MAU2: variants seen among roughly 807,000 people sequenced by gnomAD.
The protein encoded by MAU2 is MAU2 sister chromatid cohesion factor.
In MAU2, 9 loss-of-function variants were observed where a neutral mutation model predicts 89.1. The observed-to-expected ratio is 0.10, with a 90% CI of 0.06 to 0.18. The LOEUF is 0.18. Among genes scored for constraint, MAU2 ranks in the 10% least tolerant of loss-of-function variants. The pLI is 1.00. For missense variants in MAU2, 425 were observed against 803.5 expected (o/e 0.53, Z 5.69); for synonymous variants, 357 against 343.4 (o/e 1.04, Z -0.44).
intron 1 of MAU2, among the ~76,000 whole-genome samples, chr19:19,332,990 T>C (rs941210355): frequency 2.0e-5 from 3 of 151,684 alleles, no homozygotes; most frequent in Non-Finnish European, 4.4e-5. Context: ...GGCAGGAGAA[T>C]CACTTGAACC....
intron 1 of MAU2, among the ~76,000 whole-genome samples, chr19:19,331,302 G>A (rs1008300837): frequency 1.3e-5 from 2 of 151,896 alleles, no homozygotes; most frequent in African/African-American, 2.4e-5. Flanking sequence ...GACCGAGACC[G>A]TCCTGGCTAA....
rs1219114618 is a variant in MAU2, at chr19:19,356,144, G to A, written c.*362G>A. 1 of 456,112 alleles carries A rather than the reference G, an allele frequency of 2.2e-6. No individual in the cohort carries two copies. The highest frequency in any genetic ancestry group is 2.0e-5 in the African/African-American group (1 of 50,968). 28.3% of individuals were successfully genotyped at this position (456,112 alleles called of 1,614,324 possible). A position where few individuals can be genotyped will look rare whatever the true frequency, so the allele number is the denominator to read the frequency against. On this transcript the variant is annotated 3_prime_UTR_variant, in exon 19 of 19. Coordinates refer to ENST00000262815, the MANE Select transcript of MAU2 (RefSeq NM_015329.4). The stretch of plus-strand genomic sequence containing the variant: ...TGTGCCAGGGCAGGCAGTGCCCCAG[G>A]GGCACCACGCCTGACTCTCCATCAC...
chr19:19,345,160 A>C lies in MAU2; in HGVS notation c.1156-144A>C, dbSNP rs1481971861. On this transcript the variant is annotated intron_variant, in intron 11 of 18. Transcript: ENST00000262815. The surrounding 1 kb of genome is among the most constrained non-coding windows in gnomAD (Gnocchi z 4.9). ...GGTCTGAAAGGTGGGGACAGTGAGCATATTACCTGCCTTGCAGCTGGCTCG... is the reference window on the plus strand; with the variant it reads ...GGTCTGAAAGGTGGGGACAGTGAGCCTATTACCTGCCTTGCAGCTGGCTCG... The C allele has an allele frequency of 2.6e-6, 2 of 776,292 alleles. No individual in the cohort carries two copies. Among genetic ancestry groups the C allele is most frequent in the Non-Finnish European group, 4.3e-6 (2 of 459,968 alleles). 48.1% of individuals were successfully genotyped at this position (776,292 alleles called of 1,614,324 possible).
intron 1 of MAU2, chr19:19,334,022 G>A (rs1476691637): frequency 8.8e-6 from 2 of 227,424 alleles, no homozygotes; most frequent in Middle Eastern, 2.1e-3. Context: ...CCTCTCTCCT[G>A]TGTGATTGGG....
At position 19,349,307 on chromosome 19, in the gene MAU2, C is replaced by G. The variant is rs1447559448; in HGVS notation, c.1437-18C>G. The G allele has an allele frequency of 3.7e-6, 6 of 1,614,010 alleles. No homozygotes were observed. The highest frequency in any genetic ancestry group is 5.1e-6 in the Non-Finnish European group (6 of 1,179,846). ...GGCCCCGTCCTGCAGTTATCAGCGT[C>G]CATGTTCTCCTTGTCAGGCGATTTC... On this transcript the variant is annotated intron_variant, in intron 15 of 18. Transcript: ENST00000262815.
chr19:19,343,796 C>G (rs911917676), intron 9 of MAU2, 41 bp from the exon 10 acceptor site: 1 of 1,505,482 alleles, frequency 6.6e-7, no homozygotes, highest in Non-Finnish European at 9.2e-7. Context: ...GGCGCCTCCT[C>G]TGGCCTCCCC....
chr19:19,354,593 C>T (rs2048156299), intron 17 of MAU2, 148 bp downstream of exon 17: 1 of 685,848 alleles, frequency 1.5e-6, no homozygotes, highest in Non-Finnish European at 2.6e-6. Context: ...GGGTGCTCCT[C>T]AGGAGACCCT....
At position 19,355,355 on chromosome 19, in the gene MAU2, T is replaced by A. The variant is rs1482823041; in HGVS notation, c.1731T>A (p.Ile577=). 1.2e-6 allele frequency: 2 copies of A among 1,614,044 alleles called. No individual in the cohort carries two copies. Among genetic ancestry groups the A allele is most frequent in the Non-Finnish European group, 8.5e-7 (1 of 1,179,964 alleles). The part of the protein sequence containing the change: ...NFSQQLLQDH[I]EACSLPEHNL... ...CGCAGCAGCTGCTCCAGGACCACAT[T>A]GAGGCCTGCAGCCTCCCCGAACACA... The change falls in exon 18 of 19, where the codon ATT becomes ATA. Residue 577 remains isoleucine (I), a synonymous_variant. Coordinates refer to ENST00000262815, the MANE Select transcript of MAU2 (RefSeq NM_015329.4).
Position 19,355,406 on chromosome 19 carries a change from G to T in MAU2, c.1767+15G>T, listed in dbSNP as rs1391533602. 6.2e-7 allele frequency: 1 copy of T among 1,613,458 alleles called. No individual in the cohort carries two copies. ...ACCTCATCACGGTACGGGTGTGGGT[G>T]TTAGGGGACGGGATCAGGACTAGCG... On this transcript the variant is annotated intron_variant, in intron 18 of 18. Coordinates refer to ENST00000262815, the MANE Select transcript of MAU2 (RefSeq NM_015329.4).
chr19:19,322,561 C>T (rs2061470159), intron 1 of MAU2, among the ~76,000 whole-genome samples: 3 of 152,274 alleles, frequency 2.0e-5, no homozygotes, highest in Admixed American at 2.0e-4. Flanking sequence ...GATCACGCCA[C>T]TTCACTCCAG....
chr19:19,354,996 T>C, intron 17 of MAU2: 1 of 429,816 alleles, frequency 2.3e-6, no homozygotes, highest in Non-Finnish European at 4.3e-6. Flanking sequence ...CCTGTTTGCC[T>C]GAGGGCTGGC....
Position 19,341,124 on chromosome 19 carries a change from C to G in MAU2, c.580-128C>G, listed in dbSNP as rs1027776970. On this transcript the variant is annotated intron_variant, in intron 6 of 18. Transcript: ENST00000262815. Reference sequence around the variant, plus strand: ...TTAGGAGCTGCCTGGGCTGGGGTTTCAGGCTGGCCTTGCCCTCTGGATTGG... The same window carrying G: ...TTAGGAGCTGCCTGGGCTGGGGTTTGAGGCTGGCCTTGCCCTCTGGATTGG... The G allele has an allele frequency of 2.9e-5, 34 of 1,186,606 alleles. No homozygotes were observed. The Middle Eastern group carries it at 1.2e-3, about 40-fold the overall frequency. The allele number at this position is 1,186,606 out of a possible 1,614,324, so 73.5% of individuals were successfully genotyped here. A position where few individuals can be genotyped will look rare whatever the true frequency, so the allele number is the denominator to read the frequency against.
Position 19,355,359 on chromosome 19 carries a change from G to A in MAU2, c.1735G>A (p.Ala579Thr), listed in dbSNP as rs2048165751. 1 of 1,613,950 alleles carries A rather than the reference G, an allele frequency of 6.2e-7. No homozygotes were observed. The highest frequency in any genetic ancestry group is 1.3e-5 in the African/African-American group (1 of 74,922). The change falls in exon 18 of 19, where the codon GCC (alanine) becomes ACC (threonine). Residue 579 changes from alanine (A) to threonine (T), a missense_variant. Transcript: ENST00000262815. Reference sequence around the variant, plus strand: ...GCAGCTGCTCCAGGACCACATTGAGGCCTGCAGCCTCCCCGAACACAACCT... The same window carrying A: ...GCAGCTGCTCCAGGACCACATTGAGACCTGCAGCCTCCCCGAACACAACCT... ...SQQLLQDHIEACSLPEHNLIT... is the reference protein window; with the variant it reads ...SQQLLQDHIETCSLPEHNLIT...
At chr19:19,331,024 C>T (rs1463755910) in intron 1 of MAU2, among the ~76,000 whole-genome samples, 4 of 152,174 alleles carry the variant, frequency 2.6e-5, no homozygotes, top group Non-Finnish European at 4.4e-5. Context: ...TTCCACCCCA[C>T]TTGAAACCTG....
chr19:19,344,834 A>G lies in MAU2; in HGVS notation c.1078-15A>G, dbSNP rs1322266895. On this transcript the variant is annotated splice_polypyrimidine_tract_variant and intron_variant, in intron 10 of 18. Transcript: ENST00000262815. The stretch of plus-strand genomic sequence containing the variant: ...GGTTGCAGTCCTGTGATGGCAGTAC[A>G]CTCTCTCCCGGCAGATCTCCCAGGT... 6.2e-7 allele frequency: 1 copy of G among 1,610,478 alleles called. No homozygotes were observed. The highest frequency in any genetic ancestry group is 2.2e-5 in the East Asian group (1 of 44,804).
intron 1 of MAU2, among the ~76,000 whole-genome samples, chr19:19,326,702 G>GTATATATA (rs560689514): frequency 2.0e-5 from 1 of 49,156 alleles, no homozygotes; most frequent in Non-Finnish European, 5.0e-5. Flanking sequence ...ATATATATAT[G>GTATATATA]TATATATATA....
intron 6 of MAU2, 99 bp downstream of exon 6, chr19:19,340,972 T>C (rs1216337347): frequency 6.6e-7 from 1 of 1,519,144 alleles, no homozygotes; most frequent in Non-Finnish European, 9.0e-7. Flanking sequence ...CTCCATGGCA[T>C]GGCCCCTTAG....
At chr19:19,338,234 G>A (rs1011027350) in intron 4 of MAU2, among the ~76,000 whole-genome samples, 1 of 152,204 alleles carries the variant, frequency 6.6e-6, no homozygotes, top group African/African-American at 2.4e-5. Context: ...CACATGCTGT[G>A]TCCTTCCATC....
chr19:19,323,726 C>T (rs557296630), intron 1 of MAU2, among the ~76,000 whole-genome samples: 27 of 152,246 alleles, frequency 1.8e-4, no homozygotes, highest in African/African-American at 6.0e-4. Flanking sequence ...TCAAGCCATC[C>T]ACCTGCCTCA....
Sources: allele counts gnomAD v4.1 joint callset (sites outside exome capture counted in the v4.1 genomes callset), GRCh38; gene constraint gnomAD v4.1.1; non-coding constraint Gnocchi (gnomAD v3.1); transcripts MANE v1.5; gene names NCBI Gene and HGNC (gene_info 2026-07-23, HGNC 2026-07-21).